The following LRMDA variants were observed in gnomAD, a reference collection of about 807,000 sequenced individuals.
The protein encoded by LRMDA is leucine-rich melanocyte differentiation-associated protein.
Under a neutral mutation model 29.8 loss-of-function variants are expected in LRMDA, and 18 were observed. The observed-to-expected ratio is 0.60, with a 90% CI of 0.42 to 0.90. LRMDA has a LOEUF of 0.90. LRMDA is among the 40% of genes least tolerant of loss of function. The pLI is 0.00. For synonymous variants in LRMDA, 125 were observed against 109.4 expected (o/e 1.14, Z -0.89); for missense variants, 273 against 273.9 (o/e 1.00, Z 0.02).
At chr10:75,967,256 C>G (rs1846878276) in intron 2 of LRMDA, among the ~76,000 whole-genome samples, 1 of 152,304 alleles carries the variant, frequency 6.6e-6, no homozygotes, top group Admixed American at 6.5e-5. Flanking sequence ...AATTAAATTA[C>G]TGTATTCTTT....
At chr10:76,305,022 C>T (rs1047370602) in intron 5 of LRMDA, among the ~76,000 whole-genome samples, 2 of 152,176 alleles carry the variant, frequency 1.3e-5, no homozygotes, top group Non-Finnish European at 2.9e-5. Flanking sequence ...CAGAGAGGCC[C>T]CAGTTTCCTT....
chr10:75,905,948 T>A (rs1385928697), intron 2 of LRMDA, among the ~76,000 whole-genome samples: 6 of 151,890 alleles, frequency 4.0e-5, no homozygotes, highest in Admixed American at 2.6e-4. Flanking sequence ...TTTCTTTTTT[T>A]TAAAAATGAT....
intron 2 of LRMDA, among the ~76,000 whole-genome samples, chr10:75,847,914 T>C (rs1844668045): frequency 6.6e-6 from 1 of 152,198 alleles, no homozygotes. Context: ...GAAAGTAACC[T>C]GTACTGCTAA....
intron 5 of LRMDA, among the ~76,000 whole-genome samples, chr10:76,084,877 T>C (rs949616090): frequency 8.5e-5 from 13 of 152,206 alleles, no homozygotes; most frequent in African/African-American, 2.9e-4. Flanking sequence ...GACTACAATT[T>C]ACTTCTCTTA....
At chr10:76,107,344 A>C (rs1299561105) in intron 5 of LRMDA, among the ~76,000 whole-genome samples, 1 of 152,212 alleles carries the variant, frequency 6.6e-6, no homozygotes, top group Non-Finnish European at 1.5e-5. Flanking sequence ...TTCCCAGGTG[A>C]TGCTGAGGCT....
At chr10:75,636,879 T>G (rs1841396762) in intron 2 of LRMDA, among the ~76,000 whole-genome samples, 1 of 152,100 alleles carries the variant, frequency 6.6e-6, no homozygotes, top group Admixed American at 6.5e-5. Context: ...TGGGTATCCA[T>G]CACACATCTA....
chr10:75,827,292 C>T (rs1844263488), intron 2 of LRMDA, among the ~76,000 whole-genome samples: 1 of 152,066 alleles, frequency 6.6e-6, no homozygotes, highest in Non-Finnish European at 1.5e-5. Flanking sequence ...AGCAAGAGAC[C>T]TTATGTGGAG....
chr10:76,174,546 T>C (rs571240334), intron 5 of LRMDA, among the ~76,000 whole-genome samples: 2 of 152,154 alleles, frequency 1.3e-5, no homozygotes, highest in South Asian at 2.1e-4. Flanking sequence ...CTTATCCTCA[T>C]TGTTGTAGAG....
intron 2 of LRMDA, among the ~76,000 whole-genome samples, chr10:75,747,057 CT>C (rs1002102827): frequency 2.0e-5 from 3 of 151,876 alleles, no homozygotes; most frequent in African/African-American, 7.3e-5. Flanking sequence ...AAAGAGGTTT[CT>C]TTTTTTATTT....
chr10:76,530,222 T>G (rs1245012512), intron 6 of LRMDA, among the ~76,000 whole-genome samples: 1 of 152,160 alleles, frequency 6.6e-6, no homozygotes, highest in African/African-American at 2.4e-5. Flanking sequence ...CTAGTTATTT[T>G]TAAGACTACT....
At chr10:75,906,904 G>T (rs1162819796) in intron 2 of LRMDA, among the ~76,000 whole-genome samples, 1 of 152,178 alleles carries the variant, frequency 6.6e-6, no homozygotes, top group African/African-American at 2.4e-5. Flanking sequence ...TGAGACACCG[G>T]GGCTAGGTTG....
At chr10:76,210,321 C>A (rs796371414) in intron 5 of LRMDA, among the ~76,000 whole-genome samples, 2 of 152,060 alleles carry the variant, frequency 1.3e-5, no homozygotes, top group African/African-American at 4.8e-5. Context: ...TGATTGCATT[C>A]GAATTAAAAG....
At chr10:75,461,716 G>A (rs1255385302) in intron 2 of LRMDA, among the ~76,000 whole-genome samples, 1 of 152,184 alleles carries the variant, frequency 6.6e-6, no homozygotes, top group African/African-American at 2.4e-5. Flanking sequence ...GCTTACACTG[G>A]TCCAAACACA....
intron 3 of LRMDA, among the ~76,000 whole-genome samples, chr10:76,044,468 G>A (rs1033257198): frequency 7.1e-6 from 1 of 140,624 alleles, no homozygotes; most frequent in Non-Finnish European, 1.5e-5. Context: ...TTTTGTTGTT[G>A]TAGTAATGAC....
intron 2 of LRMDA, among the ~76,000 whole-genome samples, chr10:75,913,354 G>A (rs1041408025): frequency 7.2e-5 from 11 of 152,112 alleles, no homozygotes; most frequent in Non-Finnish European, 1.5e-5. Context: ...CTACCCGGGG[G>A]GCTGAGGCAG....
intron 2 of LRMDA, among the ~76,000 whole-genome samples, chr10:75,618,700 T>C (rs2132104744): frequency 6.6e-6 from 1 of 150,420 alleles, no homozygotes; most frequent in East Asian, 1.9e-4. Flanking sequence ...GTATATATAT[T>C]ATATACTGTG....
At chr10:76,485,509 A>C (rs1842772628) in intron 6 of LRMDA, among the ~76,000 whole-genome samples, 1 of 151,898 alleles carries the variant, frequency 6.6e-6, no homozygotes, top group Non-Finnish European at 1.5e-5. Flanking sequence ...CAGTGCTACT[A>C]TTATTACATT....
At chr10:76,038,655 A>G (rs1848292026) in intron 3 of LRMDA, among the ~76,000 whole-genome samples, 2 of 152,176 alleles carry the variant, frequency 1.3e-5, no homozygotes, top group Admixed American at 1.3e-4. Flanking sequence ...TCAACCCAGC[A>G]CTTCTGATGC....
intron 5 of LRMDA, among the ~76,000 whole-genome samples, chr10:76,074,223 G>T (rs536450990): frequency 6.6e-6 from 1 of 152,272 alleles, no homozygotes; most frequent in South Asian, 2.1e-4. Flanking sequence ...GAAGTTTTCA[G>T]CATGTGCTGT....
Sources: allele counts gnomAD v4.1 joint callset (sites outside exome capture counted in the v4.1 genomes callset), GRCh38; gene constraint gnomAD v4.1.1; transcripts MANE v1.5; gene names NCBI Gene and HGNC (gene_info 2026-07-23, HGNC 2026-07-21).